Variants in CSMD3 observed in about 807,000 individuals in gnomAD.
CSMD3 encodes the protein CUB and Sushi multiple domains 3.
In CSMD3, 177 loss-of-function variants were observed where a neutral mutation model predicts 435.2. The ratio of observed to expected loss-of-function variants is 0.41; its 90% CI spans 0.36 to 0.46. The LOEUF (loss-of-function observed/expected upper bound fraction) is 0.46. CSMD3 is among the 20% of genes least tolerant of loss of function. The pLI is 0.34. For missense variants in CSMD3, 4,265 were observed against 4,504.6 expected, an observed-to-expected ratio of 0.95 and a Z score of 1.52; for synonymous variants, 1,656 against 1,520.5, an observed-to-expected ratio of 1.09 and a Z score of -2.07.
chr8:113,303,411 C>T (rs1353933772), intron 2 of CSMD3, among the ~76,000 whole-genome samples: 1 of 151,726 alleles, frequency 6.6e-6, no homozygotes, highest in African/African-American at 2.4e-5. Flanking sequence ...GAAAAAACTA[C>T]TTTAAAGTTC....
chr8:113,419,808 T>G (rs1322349986), intron 1 of CSMD3, among the ~76,000 whole-genome samples: 1 of 152,110 alleles, frequency 6.6e-6, no homozygotes, highest in Non-Finnish European at 1.5e-5. Context: ...TAGAATGAAT[T>G]CTGAATTCTT....
chr8:113,380,601 C>T (rs750274388), intron 1 of CSMD3, among the ~76,000 whole-genome samples: 1 of 152,116 alleles, frequency 6.6e-6, no homozygotes, highest in East Asian at 1.9e-4. Context: ...ACATCAACCA[C>T]AATTTACTAA....
At chr8:112,399,510 CT>C (rs1184543273) in intron 35 of CSMD3, among the ~76,000 whole-genome samples, 1 of 152,120 alleles carries the variant, frequency 6.6e-6, no homozygotes, top group East Asian at 1.9e-4. Context: ...TCAGCTCGGC[CT>C]CCCAAAGTAC....
rs544948105 is a variant in CSMD3, at chr8:112,525,275, T to G, written c.4565-8050A>C. 4.6e-5 allele frequency among the ~76,000 whole-genome samples: 7 copies of G among 150,958 alleles called. No homozygotes were observed. In the East Asian group the frequency reaches 1.4e-3, roughly 29 times the overall value. On this transcript the variant is annotated intron_variant, in intron 27 of 70. Transcript: ENST00000297405. ...ACTTGTCAAACAAGTTTTCTTAAATTATGTTTTGAAATATTTATCTACAAG... is the reference window on the plus strand; with the variant it reads ...ACTTGTCAAACAAGTTTTCTTAAATGATGTTTTGAAATATTTATCTACAAG...
At chr8:112,611,413 G>A (rs1833250188) in intron 22 of CSMD3, among the ~76,000 whole-genome samples, 1 of 152,108 alleles carries the variant, frequency 6.6e-6, no homozygotes, top group Admixed American at 6.6e-5. Flanking sequence ...TTACTAGTGA[G>A]TTATTGTCTT....
chr8:112,690,796 C>T (rs914901137), intron 13 of CSMD3, among the ~76,000 whole-genome samples: 2 of 151,898 alleles, frequency 1.3e-5, no homozygotes, highest in Admixed American at 6.6e-5. Context: ...TGAATGTTAG[C>T]AGTAAATTAT....
At chr8:113,377,912 T>TGAAAAC (rs1482195861) in intron 1 of CSMD3, among the ~76,000 whole-genome samples, 1 of 152,178 alleles carries the variant, frequency 6.6e-6, no homozygotes, top group African/African-American at 2.4e-5. Flanking sequence ...GGAGCACGCC[T>TGAAAAC]GAAAATGGTG....
At chr8:112,688,232 C>T (rs956819681) in intron 14 of CSMD3, among the ~76,000 whole-genome samples, 3 of 152,052 alleles carry the variant, frequency 2.0e-5, no homozygotes, top group Admixed American at 6.6e-5. Flanking sequence ...AAGAGCTAAC[C>T]AAAGACACAC....
chr8:113,085,996 G>A (rs12334366), intron 5 of CSMD3, among the ~76,000 whole-genome samples: 102,127 of 151,920 alleles, frequency 0.67, 35,945 homozygotes, highest in East Asian at 0.95. Flanking sequence ...CCAGCACTTC[G>A]GGAGGCCGAG....
chr8:112,510,825 C>A (rs1442301267), intron 28 of CSMD3, among the ~76,000 whole-genome samples: 1 of 152,060 alleles, frequency 6.6e-6, no homozygotes, highest in Non-Finnish European at 1.5e-5. Context: ...TTTATTTATT[C>A]CTAGAATTCA....
intron 58 of CSMD3, 44 bp downstream of exon 58, chr8:112,287,020 A>G: frequency 1.3e-6 from 2 of 1,495,384 alleles, no homozygotes; most frequent in South Asian, 2.3e-5. Context: ...GATACACACT[A>G]AAATCCAGTA....
Position 112,556,791 on chromosome 8 carries a change from T to C in CSMD3, c.4206A>G (p.Ala1402=), listed in dbSNP as rs1329903279. The change falls in exon 25 of 71, where the codon GCA becomes GCG. Residue 1402 remains alanine (A), a synonymous_variant. Transcript: ENST00000297405. ...TACAGGAAGGCAGAGGATAGTCCCATGCCCTTCTCTCCCCTGTCATGCACT... is the reference window on the plus strand; with the variant it reads ...TACAGGAAGGCAGAGGATAGTCCCACGCCCTTCTCTCCCCTGTCATGCACT... ...LLKCMTGERR[A]WDYPLPSCIA... 6.2e-7 allele frequency: 1 copy of C among 1,612,032 alleles called. No individual in the cohort carries two copies. The highest frequency in any genetic ancestry group is 2.2e-5 in the East Asian group (1 of 44,822).
In CSMD3 at chr8:112,454,359, G is replaced by A. The variant is rs542208166; in HGVS notation, c.5395+18232C>T. ...GAATGGGAAAAAATATTCACAAACC[G>A]TGCATTCAGCAAAGATCTAACACTC... On this transcript the variant is annotated intron_variant, in intron 32 of 70. Coordinates refer to ENST00000297405, the MANE Select transcript of CSMD3 (RefSeq NM_198123.2). 1.8e-4 allele frequency among the ~76,000 whole-genome samples: 28 copies of A among 152,034 alleles called. 1 individual carries two copies. Among genetic ancestry groups the A allele is most frequent in the African/African-American group, 4.1e-4 (17 of 41,502 alleles).
chr8:112,732,699 C>CAAAAAAAAAAAAAAAAAA (rs34891739), intron 13 of CSMD3, among the ~76,000 whole-genome samples: 2 of 97,190 alleles, frequency 2.1e-5, no homozygotes, highest in Non-Finnish European at 4.6e-5. Flanking sequence ...GACTCCATCT[C>CAAAAAAAAAAAAAAAAAA]AAAAAAAAAA....
At chr8:113,203,827 T>C (rs1212370249) in intron 3 of CSMD3, among the ~76,000 whole-genome samples, 1 of 152,122 alleles carries the variant, frequency 6.6e-6, no homozygotes, top group Non-Finnish European at 1.5e-5. Context: ...AAATTTTTCT[T>C]ATATAGGTGA....
chr8:112,560,345 GAA>G (rs1338188117), intron 24 of CSMD3, among the ~76,000 whole-genome samples: 3 of 151,608 alleles, frequency 2.0e-5, no homozygotes. Flanking sequence ...TTGTATAGCT[GAA>G]ATTCTTTCCT....
intron 23 of CSMD3, among the ~76,000 whole-genome samples, chr8:112,577,029 T>C (rs1228280757): frequency 1.3e-5 from 2 of 151,992 alleles, no homozygotes; most frequent in African/African-American, 2.4e-5. Context: ...AGTCAAAAGG[T>C]AGAAAACAAA....
chr8:112,242,802 G>A (rs969357361), intron 65 of CSMD3, among the ~76,000 whole-genome samples: 7 of 152,070 alleles, frequency 4.6e-5, no homozygotes, highest in Non-Finnish European at 1.0e-4. Flanking sequence ...TAAGTGTGAA[G>A]CTAAAATAAG....
intron 31 of CSMD3, among the ~76,000 whole-genome samples, chr8:112,491,521 G>C (rs1378675298): frequency 6.6e-6 from 1 of 151,934 alleles, no homozygotes; most frequent in Non-Finnish European, 1.5e-5. Context: ...GTGGTGGTGT[G>C]CACCTGTAAT....
Sources: allele counts gnomAD v4.1 joint callset (sites outside exome capture counted in the v4.1 genomes callset), GRCh38; gene constraint gnomAD v4.1.1; transcripts MANE v1.5; gene names NCBI Gene and HGNC (gene_info 2026-07-23, HGNC 2026-07-21).